Variants in MEF2C observed in about 807,000 individuals in gnomAD.
MEF2C encodes the protein myocyte enhancer factor 2C.
In MEF2C, 6 loss-of-function variants were observed where a neutral mutation model predicts 50.5. The ratio of observed to expected loss-of-function variants is 0.12; its 90% CI spans 0.07 to 0.23. The LOEUF (loss-of-function observed/expected upper bound fraction) is 0.23, where lower values mean the gene tolerates loss of function less well. MEF2C is among the 10% of genes least tolerant of loss of function. MEF2C has a pLI of 1.00. For missense variants in MEF2C, 276 were observed against 605.0 expected (o/e 0.46, Z 5.70); for synonymous variants, 183 against 228.0 (o/e 0.80, Z 1.78).
In MEF2C at chr5:88,751,362, C is replaced by G. The variant is rs754072759; in HGVS notation, c.589+495G>C. Reference sequence around the variant, plus strand: ...TCACATGTCTTACAAATGATGCTATCTTATCATATTTCCTTTCTGCCTAAG... The same window carrying G: ...TCACATGTCTTACAAATGATGCTATGTTATCATATTTCCTTTCTGCCTAAG... On this transcript the variant is annotated intron_variant, in intron 5 of 10. Transcript: ENST00000504921. 2.3e-5 allele frequency: 23 copies of G among 985,262 alleles called. No homozygotes were observed. In the Admixed American group the frequency reaches 3.7e-4, roughly 16 times the overall value. The allele number at this position is 985,262 out of a possible 1,614,324, so 61.0% of individuals were successfully genotyped here.
chr5:88,835,253 G>A lies in MEF2C; in HGVS notation c.-142-11323C>T, dbSNP rs560978471. ...TTGAGAAAAAAACAATCTTACAACC[G>A]TACTAATGTAACTTGTCAGTGGGCT... On this transcript the variant is annotated intron_variant, in intron 1 of 10. Transcript: ENST00000504921. Among the ~76,000 whole-genome samples, 40 of 152,170 alleles carry A rather than the reference G, an allele frequency of 2.6e-4. 1 individual carries two copies. The South Asian group carries it at 6.8e-3, about 26-fold the overall frequency.
At chr5:88,772,921 T>C (rs1036712068) in intron 3 of MEF2C, 2 of 985,322 alleles carry the variant, frequency 2.0e-6, no homozygotes, top group Non-Finnish European at 2.4e-6. Flanking sequence ...TGCCTGAGCT[T>C]GTGATATGCC....
At chr5:88,784,342 CTG>C (rs1481481922) in intron 3 of MEF2C, among the ~76,000 whole-genome samples, 3 of 152,230 alleles carry the variant, frequency 2.0e-5, no homozygotes, top group African/African-American at 7.2e-5. Context: ...TAATTTATAT[CTG>C]TTTACTGTAA....
intron 8 of MEF2C, 129 bp downstream of exon 8, chr5:88,730,082 G>T: frequency 2.4e-6 from 2 of 825,084 alleles, no homozygotes; most frequent in Non-Finnish European, 1.8e-6. Context: ...GAAATTAATG[G>T]TATTTAAACA....
At chr5:88,804,519 G>T in intron 3 of MEF2C, 79 bp downstream of exon 3, 1 of 1,230,170 alleles carries the variant, frequency 8.1e-7, no homozygotes, top group Non-Finnish European at 1.2e-6. Context: ...AACATGATGT[G>T]TGTATGTGTG....
intron 4 of MEF2C, among the ~76,000 whole-genome samples, chr5:88,759,054 T>C (rs1444762298): frequency 6.6e-6 from 1 of 152,254 alleles, no homozygotes; most frequent in Admixed American, 6.5e-5. Context: ...TTATTCCAAC[T>C]GTGCAGGGGA....
At chr5:88,763,691 T>C (rs1778812120) in intron 3 of MEF2C, among the ~76,000 whole-genome samples, 1 of 151,870 alleles carries the variant, frequency 6.6e-6, no homozygotes, top group Non-Finnish European at 1.5e-5. Flanking sequence ...CTTGCTCTGT[T>C]GCCCAGGCTG....
chr5:88,873,708 A>ATTTTTTTTT (rs199642010), intron 1 of MEF2C, among the ~76,000 whole-genome samples: 1 of 93,812 alleles, frequency 1.1e-5, no homozygotes, highest in African/African-American at 4.4e-5. Context: ...GTCGTCACGG[A>ATTTTTTTTT]TTTTTTTTTT....
chr5:88,782,166 T>C lies in MEF2C; in HGVS notation c.259-20838A>G, dbSNP rs1177499682. ...TCAATTTACTGTAAAGAAGCTTATA[T>C]AGTTTAAAATAAACCTCCTAGGCCA... On this transcript the variant is annotated intron_variant, in intron 3 of 10. Transcript: ENST00000504921. 6 of 981,386 alleles carry C rather than the reference T, an allele frequency of 6.1e-6. No individual in the cohort carries two copies. The Admixed American group carries it at 3.1e-4, about 50-fold the overall frequency. The allele number at this position is 981,386 out of a possible 1,614,324, so 60.8% of individuals were successfully genotyped here.
At chr5:88,766,449 AG>A (rs1780090831) in intron 3 of MEF2C, among the ~76,000 whole-genome samples, 1 of 152,224 alleles carries the variant, frequency 6.6e-6, no homozygotes. Context: ...GTTAGTAAAA[AG>A]AAATAAGTAA....
intron 10 of MEF2C, 115 bp from the exon 11 acceptor site, chr5:88,723,040 A>T: frequency 1.0e-6 from 1 of 958,332 alleles, no homozygotes; most frequent in Non-Finnish European, 1.5e-6. Flanking sequence ...GCATGCCCAG[A>T]GTGAAGAAAA....
chr5:88,886,606 T>C (rs1247717357), upstream of MEF2C, among the ~76,000 whole-genome samples: 1 of 152,220 alleles, frequency 6.6e-6, no homozygotes, highest in East Asian at 1.9e-4. Context: ...AGTTAAATAA[T>C]AGGTGACAAT....
Position 88,823,908 on chromosome 5 carries a change from C to A in MEF2C, c.-120G>T. ...CTTCAGCACTTGCACAGCTCAGTTCCCAAATTCCTGCATTCGTTCCTGCTG... is the reference window on the plus strand; with the variant it reads ...CTTCAGCACTTGCACAGCTCAGTTCACAAATTCCTGCATTCGTTCCTGCTG... On this transcript the variant is annotated 5_prime_UTR_variant, in exon 2 of 11. Transcript: ENST00000504921. 1.4e-6 allele frequency: 2 copies of A among 1,477,342 alleles called. No individual in the cohort carries two copies. The highest frequency in any genetic ancestry group is 2.3e-5 in the Admixed American group (1 of 43,724). 91.5% of individuals were successfully genotyped at this position (1,477,342 alleles called of 1,614,324 possible). A position where few individuals can be genotyped will look rare whatever the true frequency, so the allele number is the denominator to read the frequency against.
intron 1 of MEF2C, chr5:88,888,995 T>C (rs1834256269): frequency 6.6e-6 from 1 of 152,244 alleles, no homozygotes; most frequent in South Asian, 2.1e-4. Context: ...CCCTTTTAAC[T>C]GTTTCTTCTA....
intron 6 of MEF2C, chr5:88,743,980 T>C (rs1768114383): frequency 1.1e-6 from 1 of 948,804 alleles, no homozygotes; most frequent in Non-Finnish European, 1.3e-6. Flanking sequence ...GATTGTAAAA[T>C]TATCTTAAAT....
chr5:88,829,290 C>T (rs1812113842), intron 1 of MEF2C, among the ~76,000 whole-genome samples: 1 of 151,932 alleles, frequency 6.6e-6, no homozygotes, highest in Non-Finnish European at 1.5e-5. Context: ...TCCCTTCTGT[C>T]TCAGCTTCAG....
chr5:88,892,223 C>G (rs910389195), intron 1 of MEF2C: 1 of 152,116 alleles, frequency 6.6e-6, no homozygotes, highest in Non-Finnish European at 1.5e-5. Flanking sequence ...ACCGAGAAGG[C>G]TGGTCTGACT....
intron 3 of MEF2C, among the ~76,000 whole-genome samples, chr5:88,783,119 T>C (rs961631351): frequency 6.6e-6 from 1 of 152,218 alleles, no homozygotes; most frequent in African/African-American, 2.4e-5. Context: ...CATGGCTGCC[T>C]GTCCTGACCT....
At chr5:88,743,297 A>G (rs572209326) in intron 6 of MEF2C, 122 of 985,242 alleles carry the variant, frequency 1.2e-4, no homozygotes, top group Non-Finnish European at 1.4e-4. Context: ...TTTTTAAACT[A>G]AATTTTTAAC....
Sources: gnomAD v4.1 joint callset for allele counts (sites outside exome capture counted in the v4.1 genomes callset) on GRCh38, gnomAD v4.1.1 for gene constraint, MANE v1.5 for transcripts, NCBI Gene and HGNC (gene_info 2026-07-23, HGNC 2026-07-21) for gene names.